MPP7: variants seen among roughly 807,000 people sequenced by gnomAD.
MPP7 encodes the protein MAGUK p55 scaffold protein 7.
A neutral mutation model predicts 76.5 loss-of-function variants in MPP7; 60 were observed. That is an observed-to-expected ratio of 0.78 (90% confidence interval 0.64 to 0.97). The LOEUF (loss-of-function observed/expected upper bound fraction) is 0.97. MPP7 is among the 50% of genes least tolerant of loss of function. MPP7 has a pLI of 0.00. For missense variants in MPP7, 641 were observed against 694.0 expected, an observed-to-expected ratio of 0.92 and a Z score of 0.86; for synonymous variants, 237 against 244.5, an observed-to-expected ratio of 0.97 and a Z score of 0.29.
chr10:28,234,431 A>T (rs913967818), intron 2 of MPP7, among the ~76,000 whole-genome samples: 3 of 152,218 alleles, frequency 2.0e-5, no homozygotes, highest in Non-Finnish European at 4.4e-5. Context: ...AAGGAGGAGA[A>T]ACGACACATG....
At chr10:28,187,332 A>G (rs987003490) in intron 3 of MPP7, among the ~76,000 whole-genome samples, 5 of 152,346 alleles carry the variant, frequency 3.3e-5, no homozygotes, top group Admixed American at 2.6e-4. Context: ...GGAATTCTTC[A>G]GCAGACTTTA....
intron 1 of MPP7, among the ~76,000 whole-genome samples, chr10:28,330,605 T>C (rs1415356439): frequency 1.3e-5 from 2 of 152,158 alleles, no homozygotes; most frequent in African/African-American, 2.4e-5. Flanking sequence ...CACAGTCTTA[T>C]TGAATTATTG....
At chr10:28,218,567 G>A (rs1419408114) in intron 2 of MPP7, among the ~76,000 whole-genome samples, 2 of 152,034 alleles carry the variant, frequency 1.3e-5, no homozygotes, top group Non-Finnish European at 1.5e-5. Flanking sequence ...CACAGGCCAC[G>A]AAGACACTAT....
chr10:28,179,850 TA>T (rs1213339136), intron 3 of MPP7, among the ~76,000 whole-genome samples: 1 of 152,216 alleles, frequency 6.6e-6, no homozygotes, highest in African/African-American at 2.4e-5. Context: ...ACCATCTGTA[TA>T]ATTTATAACA....
intron 2 of MPP7, among the ~76,000 whole-genome samples, chr10:28,227,985 G>A (rs1328623393): frequency 6.6e-6 from 1 of 152,154 alleles, no homozygotes; most frequent in African/African-American, 2.4e-5. Flanking sequence ...AGCATCTGTT[G>A]TTTCTTGACT....
At chr10:28,321,165 T>C (rs1834366387) in intron 2 of MPP7, among the ~76,000 whole-genome samples, 1 of 152,198 alleles carries the variant, frequency 6.6e-6, no homozygotes, top group Non-Finnish European at 1.5e-5. Context: ...ATATATGTAG[T>C]TTCCTCTCCT....
chr10:28,129,557 C>T (rs1022679008), intron 6 of MPP7, among the ~76,000 whole-genome samples: 6 of 149,236 alleles, frequency 4.0e-5, no homozygotes, highest in Admixed American at 4.0e-4. Context: ...CACTGCACTC[C>T]AGCCTGGGCA....
At chr10:28,179,664 G>C (rs1044781826) in intron 3 of MPP7, among the ~76,000 whole-genome samples, 2 of 152,068 alleles carry the variant, frequency 1.3e-5, no homozygotes, top group African/African-American at 4.8e-5. Flanking sequence ...CTTTAAGCTA[G>C]GTCTCAGATG....
In MPP7 at chr10:28,053,203, T is replaced by G. The variant is rs1254443360; in HGVS notation, c.*862A>C. The G allele has an allele frequency of 4.6e-5, 7 of 152,176 alleles. No homozygotes were observed. Among genetic ancestry groups the G allele is most frequent in the Non-Finnish European group, 1.0e-4 (7 of 68,026 alleles). The allele number at this position is 152,176 out of a possible 1,614,324, so 9.4% of individuals were successfully genotyped here. On this transcript the variant is annotated 3_prime_UTR_variant, in exon 17 of 17. Transcript: ENST00000683449. ...TTTACATGTTTTAGAATAGAAATCC[T>G]TCTTCTAATTTATTGGAAAAATCCA... is the stretch of plus-strand genomic sequence containing the variant.
chr10:28,064,459 C>T (rs1009103802), intron 13 of MPP7, among the ~76,000 whole-genome samples: 8 of 152,154 alleles, frequency 5.3e-5, no homozygotes, highest in Non-Finnish European at 2.9e-5. Context: ...GGGTGGAAGA[C>T]TGGATTACCA....
At chr10:28,177,166 C>T (rs1836895551) in intron 3 of MPP7, among the ~76,000 whole-genome samples, 1 of 150,270 alleles carries the variant, frequency 6.7e-6, no homozygotes, top group African/African-American at 2.5e-5. Flanking sequence ...GCCTGTAATC[C>T]CAGCACTTTG....
chr10:28,210,223 T>C (rs892426291), intron 2 of MPP7, among the ~76,000 whole-genome samples: 1 of 152,150 alleles, frequency 6.6e-6, no homozygotes, highest in Non-Finnish European at 1.5e-5. Context: ...ATCACGTGAG[T>C]GAATTCCCAT....
chr10:28,234,441 G>A (rs899872856), intron 2 of MPP7, among the ~76,000 whole-genome samples: 2 of 152,182 alleles, frequency 1.3e-5, no homozygotes, highest in African/African-American at 4.8e-5. Flanking sequence ...AACGACACAT[G>A]CTACTGTAAG....
At chr10:28,110,765 AAATT>A (rs1239138449) in intron 11 of MPP7, among the ~76,000 whole-genome samples, 1 of 152,220 alleles carries the variant, frequency 6.6e-6, no homozygotes, top group Admixed American at 6.5e-5. Context: ...GCACAGAAAT[AAATT>A]AATTGAGAAG....
At chr10:28,235,174 TG>T (rs920062331) in intron 2 of MPP7, among the ~76,000 whole-genome samples, 1 of 152,114 alleles carries the variant, frequency 6.6e-6, no homozygotes, top group Admixed American at 6.5e-5. Context: ...AAATGTAATA[TG>T]GTATTACGAA....
intron 11 of MPP7, among the ~76,000 whole-genome samples, chr10:28,101,534 C>T (rs946584134): frequency 6.6e-6 from 1 of 151,972 alleles, no homozygotes. Flanking sequence ...AACTTTATGG[C>T]AAACCCCTCT....
intron 3 of MPP7, among the ~76,000 whole-genome samples, chr10:28,156,462 C>T (rs993115781): frequency 6.6e-6 from 1 of 152,122 alleles, no homozygotes; most frequent in Non-Finnish European, 1.5e-5. Flanking sequence ...ATCGGTATCA[C>T]CTATATTCAA....
At chr10:28,123,934 A>G (rs891263024) in intron 8 of MPP7, 97 bp downstream of exon 8, 28 of 823,818 alleles carry the variant, frequency 3.4e-5, no homozygotes, top group Non-Finnish European at 5.4e-5. Flanking sequence ...GCACTGCTTA[A>G]TACAAATCCT....
chr10:28,306,926 C>T (rs1045297958), upstream of MPP7, among the ~76,000 whole-genome samples: 2 of 152,150 alleles, frequency 1.3e-5, no homozygotes, highest in African/African-American at 2.4e-5. Context: ...GATAACCAGC[C>T]CCTGGCTCCT....
Sources: allele counts gnomAD v4.1 joint callset (sites outside exome capture counted in the v4.1 genomes callset), GRCh38; gene constraint gnomAD v4.1.1; transcripts MANE v1.5; gene names NCBI Gene and HGNC (gene_info 2026-07-23, HGNC 2026-07-21).